Variants in LANCL3 observed in about 807,000 individuals in gnomAD.
LANCL3 encodes lanC-like protein 3.
LANCL3 carries 19 observed loss-of-function variants against 26.5 expected under a neutral mutation model. The ratio of observed to expected loss-of-function variants is 0.72; its 90% CI spans 0.50 to 1.05. LANCL3 has a LOEUF of 1.05. Among genes scored for constraint, LANCL3 ranks in the 50% least tolerant of loss-of-function variants. LANCL3 has a pLI of 0.00. For synonymous variants in LANCL3, 160 were observed against 166.6 expected (o/e 0.96, Z 0.30); for missense variants, 318 against 362.7 (o/e 0.88, Z 1.00).
At chrX:37,612,800 A>T (rs1362741535) in intron 1 of LANCL3, among the ~76,000 whole-genome samples, 1 of 111,901 alleles carries the variant, frequency 8.9e-6, no homozygotes, top group Non-Finnish European at 1.9e-5. Flanking sequence ...GGAAATGTTG[A>T]CACAGTGAGA....
intron 1 of LANCL3, among the ~76,000 whole-genome samples, chrX:37,627,170 T>C (rs782441319): frequency 4.4e-5 from 5 of 112,630 alleles, no homozygotes; most frequent in African/African-American, 1.3e-4. Flanking sequence ...TGTGAATCTT[T>C]TAAATAAAGC....
chrX:37,587,989 A>G (rs1924155541), intron 1 of LANCL3, among the ~76,000 whole-genome samples: 1 of 112,756 alleles, frequency 8.9e-6, no homozygotes, highest in South Asian at 3.6e-4. Flanking sequence ...GTTTTTTGTT[A>G]CAGAGTAAAT....
chrX:37,605,620 C>A (rs1456722494), intron 1 of LANCL3, among the ~76,000 whole-genome samples: 4 of 111,819 alleles, frequency 3.6e-5, no homozygotes, highest in Non-Finnish European at 7.5e-5. Flanking sequence ...CTGCTTCATA[C>A]ACACAGGCCT....
chrX:37,632,161 G>A (rs781902412), intron 1 of LANCL3, among the ~76,000 whole-genome samples: 335 of 112,030 alleles, frequency 3.0e-3, no homozygotes, highest in Non-Finnish European at 3.8e-3. Context: ...TATATATTTA[G>A]GATAGTTAGC....
rs187040321 is a variant in LANCL3, at chrX:37,620,134, C to A, written c.574-35554C>A. ...TTTGGGAAGGCATGAAATGGGGAAG[C>A]CCCCAGGAAGGAAGGTAGACAAATC... On this transcript the variant is annotated intron_variant, in intron 1 of 4. Transcript: ENST00000378619. 7.1e-5 allele frequency among the ~76,000 whole-genome samples: 8 copies of A among 111,962 alleles called. No individual in the cohort carries two copies. The East Asian group carries it at 2.3e-3, about 32-fold the overall frequency.
At chrX:37,638,109 A>C (rs181433865) in intron 1 of LANCL3, among the ~76,000 whole-genome samples, 2 of 111,817 alleles carry the variant, frequency 1.8e-5, no homozygotes, top group Admixed American at 1.9e-4. Context: ...CTTCAGCCAC[A>C]GAAAAGTAGA....
chrX:37,639,127 C>A (rs1925791870), intron 1 of LANCL3, among the ~76,000 whole-genome samples: 1 of 105,721 alleles, frequency 9.5e-6, no homozygotes, highest in Non-Finnish European at 1.9e-5. Context: ...GCATTTATTT[C>A]CCTTGGATGT....
At chrX:37,631,764 G>C (rs1342686257) in intron 1 of LANCL3, among the ~76,000 whole-genome samples, 1 of 111,579 alleles carries the variant, frequency 9.0e-6, no homozygotes, top group Non-Finnish European at 1.9e-5. Context: ...GAGCGGTTTT[G>C]AGTGAGTTTC....
chrX:37,582,050 C>T (rs782147791), intron 1 of LANCL3, among the ~76,000 whole-genome samples: 3 of 111,072 alleles, frequency 2.7e-5, no homozygotes, highest in Admixed American at 1.9e-4. Flanking sequence ...TCTGTCCTTG[C>T]GATAGTTTGC....
chrX:37,617,206 T>G (rs1556421790), intron 1 of LANCL3, among the ~76,000 whole-genome samples: 2 of 110,841 alleles, frequency 1.8e-5, no homozygotes, highest in African/African-American at 6.6e-5. Context: ...GAGGGGCCGT[T>G]GGAGGATGAA....
At chrX:37,628,160 TA>T (rs1405798233) in intron 1 of LANCL3, among the ~76,000 whole-genome samples, 3 of 111,552 alleles carry the variant, frequency 2.7e-5, no homozygotes, top group Non-Finnish European at 3.8e-5. Context: ...AACATAATTT[TA>T]AAAGAGGGGG....
chrX:37,673,984 A>G (rs2146796184), intron 4 of LANCL3, among the ~76,000 whole-genome samples: 1 of 111,917 alleles, frequency 8.9e-6, no homozygotes, highest in Admixed American at 9.5e-5. Context: ...AGAACCTGAT[A>G]TATAATACCC....
rs182349441 is a variant in LANCL3, at chrX:37,676,741, T to C, written c.*928T>C. The C allele has an allele frequency of 2.0e-4, 22 of 112,003 alleles. No individual in the cohort carries two copies. The East Asian group carries it at 5.6e-3, about 29-fold the overall frequency. The allele number at this position is 112,003 out of a possible 1,213,427, so 9.2% of individuals were successfully genotyped here. A position where few individuals can be genotyped will look rare whatever the true frequency, so the allele number is the denominator to read the frequency against. Reference sequence around the variant, plus strand: ...CTACAAAGACGTGTCATTTCTGCCTTTGTTTGGGACAGGCAGACAGGCTGA... The same window carrying C: ...CTACAAAGACGTGTCATTTCTGCCTCTGTTTGGGACAGGCAGACAGGCTGA... On this transcript the variant is annotated 3_prime_UTR_variant, in exon 5 of 5. Coordinates refer to ENST00000378619, the MANE Select transcript of LANCL3 (RefSeq NM_001170331.2).
intron 1 of LANCL3, among the ~76,000 whole-genome samples, chrX:37,588,485 A>G (rs1242612145): frequency 1.8e-5 from 2 of 111,905 alleles, no homozygotes; most frequent in South Asian, 3.7e-4. Context: ...TAAGATACAC[A>G]TGCACACATC....
chrX:37,587,674 G>T (rs782465590), intron 1 of LANCL3, among the ~76,000 whole-genome samples: 1 of 112,716 alleles, frequency 8.9e-6, no homozygotes, highest in South Asian at 3.7e-4. Flanking sequence ...GAGTGACCCG[G>T]TTTTCCAGGT....
At chrX:37,646,710 T>G (rs1556427050) in intron 1 of LANCL3, among the ~76,000 whole-genome samples, 1 of 111,462 alleles carries the variant, frequency 9.0e-6, no homozygotes, top group East Asian at 2.8e-4. Flanking sequence ...CTTTTGCTGG[T>G]CCCAGACCCT....
chrX:37,609,394 A>G (rs927807783), intron 1 of LANCL3, among the ~76,000 whole-genome samples: 2 of 111,920 alleles, frequency 1.8e-5, no homozygotes, highest in Non-Finnish European at 3.8e-5. Flanking sequence ...TGAAGCAGCT[A>G]TGAGGGACAA....
intron 1 of LANCL3, among the ~76,000 whole-genome samples, chrX:37,612,940 A>G (rs1294701308): frequency 5.4e-5 from 6 of 111,251 alleles, no homozygotes; most frequent in Non-Finnish European, 9.4e-5. Context: ...TATAGCTACT[A>G]TGTCTCTCCC....
intron 1 of LANCL3, among the ~76,000 whole-genome samples, chrX:37,587,726 A>G (rs1240327695): frequency 9.8e-5 from 11 of 112,460 alleles, no homozygotes; most frequent in African/African-American, 3.6e-4. Flanking sequence ...AGGGAATTCC[A>G]TGACCCTTTG....
Sources: gnomAD v4.1 joint callset for allele counts (sites outside exome capture counted in the v4.1 genomes callset) on GRCh38, gnomAD v4.1.1 for gene constraint, MANE v1.5 for transcripts, NCBI Gene and HGNC (gene_info 2026-07-23, HGNC 2026-07-21) for gene names.